MZT1: variants seen among roughly 807,000 people sequenced by gnomAD.
The protein encoded by MZT1 is mitotic-spindle organizing protein 1.
In MZT1, 8 loss-of-function variants were observed where a neutral mutation model predicts 8.5. The ratio of observed to expected loss-of-function variants is 0.94; its 90% confidence interval spans 0.55 to 1.70. The LOEUF is 1.70. Ranked by LOEUF, MZT1 falls within the 40% of genes most tolerant of loss-of-function variation. MZT1 has a pLI of 0.00. For synonymous variants in MZT1, 38 were observed against 42.0 expected (o/e 0.90, Z 0.37); for missense variants, 93 against 108.6 (o/e 0.86, Z 0.64).
intron 1 of MZT1, among the ~76,000 whole-genome samples, chr13:72,725,436 C>A (rs1391166332): frequency 6.6e-6 from 1 of 152,206 alleles, no homozygotes; most frequent in African/African-American, 2.4e-5. Context: ...CCTTTCATTT[C>A]ATGATCAAAA....
chr13:72,726,684 T>A (rs2138024574), intron 1 of MZT1, among the ~76,000 whole-genome samples: 1 of 151,880 alleles, frequency 6.6e-6, no homozygotes, highest in Non-Finnish European at 1.5e-5. Flanking sequence ...TTTGATATGT[T>A]TTTACATGGT....
chr13:72,718,469 T>C (rs1331030017), intron 2 of MZT1, among the ~76,000 whole-genome samples: 2 of 151,904 alleles, frequency 1.3e-5, no homozygotes, highest in Admixed American at 6.6e-5. Context: ...TCCATGGTAG[T>C]AGTAATTTTT....
At position 72,716,053 on chromosome 13, in the gene MZT1, GATTAC is replaced by G. The variant is rs1292669143; in HGVS notation, c.225+2894_225+2898del. Among the ~76,000 whole-genome samples the G allele has an allele frequency of 2.0e-5, 3 of 152,078 alleles. No individual in the cohort carries two copies. In the East Asian group the frequency reaches 5.8e-4, roughly 29 times the overall value. ...TTGCCTCAGCCTCCCGAGCAGCTGG[GATTAC>G]AGTGCCTGCCATAATGCCTGGCTAA... On this transcript the variant is annotated intron_variant, in intron 2 of 2. Transcript: ENST00000377818.
At chr13:72,717,400 C>T (rs1475220426) in intron 2 of MZT1, among the ~76,000 whole-genome samples, 1 of 147,762 alleles carries the variant, frequency 6.8e-6, no homozygotes, top group Non-Finnish European at 1.5e-5. Context: ...AGTGCAATAT[C>T]GCAATCTTGG....
intron 1 of MZT1, among the ~76,000 whole-genome samples, chr13:72,722,406 A>T (rs557610776): frequency 6.6e-6 from 1 of 152,282 alleles, no homozygotes; most frequent in Admixed American, 6.5e-5. Context: ...AGGGCTCAAT[A>T]AAAAAGAGTT....
At position 72,714,493 on chromosome 13, in the gene MZT1, T is replaced by C. The variant is rs145376418; in HGVS notation, c.226-4148A>G. On this transcript the variant is annotated intron_variant, in intron 2 of 2. Transcript: ENST00000377818. ...TTTCTGAATCTAAATAGAAGGCAAG[T>C]GCTGATAGCCAAGATAATGGGTAAA... Among the ~76,000 whole-genome samples, 1,059 of 152,254 alleles carry C rather than the reference T, an allele frequency of 7.0e-3. 5 individuals carry two copies. Among genetic ancestry groups the C allele is most frequent in the South Asian group, 0.013 (61 of 4,826 alleles).
chr13:72,721,090 C>T (rs1357901595), intron 1 of MZT1, among the ~76,000 whole-genome samples: 1 of 152,116 alleles, frequency 6.6e-6, no homozygotes, highest in East Asian at 1.9e-4. Flanking sequence ...ACTGTTCTGC[C>T]TTGCATATCT....
At chr13:72,715,321 T>C (rs773598001) in intron 2 of MZT1, among the ~76,000 whole-genome samples, 2 of 152,144 alleles carry the variant, frequency 1.3e-5, no homozygotes, top group Non-Finnish European at 2.9e-5. Flanking sequence ...TATAATCCCA[T>C]TGTGTCTTGG....
At chr13:72,714,961 G>A (rs185890221) in intron 2 of MZT1, among the ~76,000 whole-genome samples, 13 of 152,322 alleles carry the variant, frequency 8.5e-5, no homozygotes, top group East Asian at 1.9e-4. Context: ...GGGAACTGCC[G>A]AATGGAGCTG....
intron 2 of MZT1, among the ~76,000 whole-genome samples, chr13:72,718,593 T>G (rs895247900): frequency 3.3e-5 from 5 of 152,026 alleles, no homozygotes; most frequent in Non-Finnish European, 5.9e-5. Flanking sequence ...TTCTCCTGCC[T>G]CAGCCTCCCA....
intron 2 of MZT1, among the ~76,000 whole-genome samples, chr13:72,711,790 GT>G (rs1309114663): frequency 7.2e-5 from 11 of 151,918 alleles, no homozygotes; most frequent in African/African-American, 2.7e-4. Flanking sequence ...CAATAAAAGG[GT>G]GGTCAAGGAA....
chr13:72,719,070 T>A lies in MZT1; in HGVS notation c.107A>T (p.Asn36Ile), dbSNP rs1312938327. The A allele has an allele frequency of 2.6e-6, 4 of 1,537,936 alleles. No individual in the cohort carries two copies. In the African/African-American group the frequency reaches 5.7e-5, roughly 22 times the overall value. The change falls in exon 2 of 3, where the codon AAT (asparagine) becomes ATT (isoleucine). Residue 36 changes from asparagine (N) to isoleucine (I), a missense_variant. Physicochemically the swap from Asn to Ile is moderately radical, Grantham distance 149 (BLOSUM62 -3). Transcript: ENST00000377818. ...CAGAGTTTCCATATCTAAGCCAGTA[T>A]TCAAAATTCTTGAAATCTCAAGCAG... ...DVLLEISRILNTGLDMETLSI... is the reference protein window; with the variant it reads ...DVLLEISRILITGLDMETLSI...
intron 2 of MZT1, among the ~76,000 whole-genome samples, chr13:72,714,371 A>C (rs1345519244): frequency 6.6e-6 from 1 of 152,242 alleles, no homozygotes; most frequent in Non-Finnish European, 1.5e-5. Context: ...AGAGCATAAA[A>C]GTTTAGAAAA....
At chr13:72,726,722 G>A (rs916582280) in intron 1 of MZT1, among the ~76,000 whole-genome samples, 10 of 144,978 alleles carry the variant, frequency 6.9e-5, no homozygotes, top group Admixed American at 5.7e-4. Context: ...CACAACTCCT[G>A]GAGGTAGGGT....
At chr13:72,718,340 A>C (rs552789006) in intron 2 of MZT1, among the ~76,000 whole-genome samples, 7 of 152,366 alleles carry the variant, frequency 4.6e-5, no homozygotes, top group African/African-American at 1.7e-4. Context: ...TTTCTAAATA[A>C]GGTCATATTC....
Position 72,727,238 on chromosome 13 carries a change from A to G in MZT1, c.79+286T>C, listed in dbSNP as rs530485037. Among the ~76,000 whole-genome samples the G allele has an allele frequency of 6.6e-5, 10 of 152,236 alleles. 1 individual carries two copies. In the South Asian group the frequency reaches 2.1e-3, roughly 32 times the overall value. On this transcript the variant is annotated intron_variant, in intron 1 of 2. Coordinates refer to ENST00000377818, the MANE Select transcript of MZT1 (RefSeq NM_001071775.3). ...ATCGGGCGGGTAGGGCGGACCTGGG[A>G]TGCGGGATAGAGGGGGCGCGGCATT...
chr13:72,715,100 G>A (rs1397562293), intron 2 of MZT1, among the ~76,000 whole-genome samples: 1 of 152,196 alleles, frequency 6.6e-6, no homozygotes, highest in Non-Finnish European at 1.5e-5. Flanking sequence ...GCTTAACCCT[G>A]TAAAGCCACA....
chr13:72,717,342 T>G (rs543521660), intron 2 of MZT1, among the ~76,000 whole-genome samples: 1 of 146,974 alleles, frequency 6.8e-6, no homozygotes, highest in African/African-American at 2.5e-5. Flanking sequence ...ACTTTCTTTT[T>G]TTTTTTTTTT....
intron 1 of MZT1, among the ~76,000 whole-genome samples, chr13:72,721,099 C>G (rs374638321): frequency 1.2e-4 from 18 of 152,268 alleles, no homozygotes; most frequent in African/African-American, 4.1e-4. Flanking sequence ...CCTTGCATAT[C>G]TGGTAATCTT....
Sources: gnomAD v4.1 joint callset for allele counts (sites outside exome capture counted in the v4.1 genomes callset) on GRCh38, gnomAD v4.1.1 for gene constraint, MANE v1.5 for transcripts, NCBI Gene and HGNC (gene_info 2026-07-23, HGNC 2026-07-21) for gene names.